Variants in TRAF3IP2 observed in about 807,000 individuals in gnomAD.
TRAF3IP2 encodes E3 ubiquitin ligase TRAF3IP2.
In TRAF3IP2, 35 loss-of-function variants were observed where a neutral mutation model predicts 57.9. The ratio of observed to expected loss-of-function variants is 0.60; its 90% CI spans 0.46 to 0.80. TRAF3IP2 has a LOEUF of 0.80. Ranked by LOEUF, TRAF3IP2 falls within the 30% of genes least tolerant of loss-of-function variation. The pLI, the probability that TRAF3IP2 is intolerant of heterozygous loss-of-function variation, is 0.00. For synonymous variants in TRAF3IP2, 251 were observed against 268.9 expected, an observed-to-expected ratio of 0.93 and a Z score of 0.65; for missense variants, 556 against 706.4, an observed-to-expected ratio of 0.79 and a Z score of 2.41.
At chr6:111,560,929 T>C (rs1416804291) in intron 8 of TRAF3IP2, among the ~76,000 whole-genome samples, 1 of 152,162 alleles carries the variant, frequency 6.6e-6, no homozygotes, top group Non-Finnish European at 1.5e-5. Flanking sequence ...ACGCCTGTAA[T>C]CCCAGCACTG....
intron 1 of TRAF3IP2, among the ~76,000 whole-genome samples, chr6:111,595,782 C>G (rs1380161774): frequency 2.7e-5 from 4 of 149,374 alleles, no homozygotes; most frequent in South Asian, 2.1e-4. Flanking sequence ...GAGCCGAGAT[C>G]GTGCCACTGC....
rs573810032 is a variant in TRAF3IP2, at chr6:111,591,517, C to T, written c.570G>A (p.Leu190=). 1.2e-5 allele frequency: 20 copies of T among 1,613,788 alleles called. No individual in the cohort carries two copies. The South Asian group carries it at 2.0e-4, about 16-fold the overall frequency. ...RPQPHRNRAG[L]DLPTIDTGYD... is the part of the protein sequence containing the mutation. ...ATCCCGTGTCTATGGTTGGCAGATCCAGGCCTGCTCGGTTCCTGTGAGGCT... is the reference window on the plus strand; with the variant it reads ...ATCCCGTGTCTATGGTTGGCAGATCTAGGCCTGCTCGGTTCCTGTGAGGCT... The change falls in exon 2 of 9, where the codon CTG becomes CTA. Residue 190 remains leucine, a synonymous_variant. Coordinates refer to ENST00000368761, the MANE Select transcript of TRAF3IP2 (RefSeq NM_147686.4). This position sits in a 1 kb window ranked among gnomAD's most constrained non-coding sequence, Gnocchi z 4.9.
At chr6:111,569,248 T>A (rs567899988) in intron 5 of TRAF3IP2, among the ~76,000 whole-genome samples, 1 of 152,328 alleles carries the variant, frequency 6.6e-6, no homozygotes, top group East Asian at 1.9e-4. Flanking sequence ...AGTGTCAGGG[T>A]TGAGAAGAAA....
chr6:111,573,063 C>A (rs751687597), intron 4 of TRAF3IP2, 80 bp from the exon 5 acceptor site: 130 of 1,121,726 alleles, frequency 1.2e-4, no homozygotes, highest in Non-Finnish European at 1.6e-4. Flanking sequence ...TATGCAATAT[C>A]TTTTGTCCTT....
chr6:111,589,473 T>C (rs1023625346), intron 2 of TRAF3IP2, among the ~76,000 whole-genome samples: 9 of 152,214 alleles, frequency 5.9e-5, no homozygotes, highest in African/African-American at 1.7e-4. Context: ...AAATACAGCC[T>C]TGACCTTGCC....
chr6:111,591,978 G>C lies in TRAF3IP2; in HGVS notation c.109C>G (p.Pro37Ala). ...TTGGGTGCCATGTTCCTTATATTTG[G>C]AGCAGGTGGTTCTGATTCCTCTTCC... ...SPEEESEPPAPNIRNMAPNSL... is the reference protein window; with the variant it reads ...SPEEESEPPAANIRNMAPNSL... The change falls in exon 2 of 9, where the codon CCA becomes GCA. Residue 37 changes from proline (P) to alanine (A), a missense_variant. Coordinates refer to ENST00000368761, the MANE Select transcript of TRAF3IP2 (RefSeq NM_147686.4). The surrounding 1 kb of genome is among the most constrained non-coding windows in gnomAD (Gnocchi z 4.9). The C allele has an allele frequency of 1.2e-6, 2 of 1,614,194 alleles. No homozygotes were observed. Among genetic ancestry groups the C allele is most frequent in the East Asian group, 2.2e-5 (1 of 44,872 alleles).
chr6:111,566,456 G>C lies in TRAF3IP2; in HGVS notation c.1464C>G (p.Tyr488Ter), dbSNP rs1203946316. The C allele has an allele frequency of 6.2e-7, 1 of 1,613,524 alleles. No homozygotes were observed. The highest frequency in any genetic ancestry group is 1.3e-5 in the African/African-American group (1 of 74,922). The change falls in exon 7 of 9, where the codon TAC (tyrosine) becomes TAG (stop). Residue 488 changes from tyrosine (Y) to a stop codon, truncating the protein, a stop_gained. Coordinates refer to ENST00000368761, the MANE Select transcript of TRAF3IP2 (RefSeq NM_147686.4). LOFTEE classifies it high-confidence loss of function. ...DEDEHGLHTK[Y>*]IHRMMQIEFI... ...CCTCCCCACTCACCATTCGATGAATGTACTTAGTATGTAAGCCATGCTCAT... is the reference window on the plus strand; with the variant it reads ...CCTCCCCACTCACCATTCGATGAATCTACTTAGTATGTAAGCCATGCTCAT...
chr6:111,564,549 T>C (rs2179070), intron 7 of TRAF3IP2, among the ~76,000 whole-genome samples: 8,432 of 152,298 alleles, frequency 0.055, 250 homozygotes, highest in Middle Eastern at 0.078. Flanking sequence ...TCAGTACCTC[T>C]GCACTACCTC....
At chr6:111,594,084 TTG>T (rs895178694) in intron 1 of TRAF3IP2, among the ~76,000 whole-genome samples, 1 of 142,600 alleles carries the variant, frequency 7.0e-6, no homozygotes, top group Admixed American at 7.7e-5. Flanking sequence ...TGAGCTGAGA[TTG>T]CGCCACTGCA....
At chr6:111,560,708 A>G (rs1018348569) in intron 8 of TRAF3IP2, among the ~76,000 whole-genome samples, 5 of 152,198 alleles carry the variant, frequency 3.3e-5, no homozygotes, top group Non-Finnish European at 4.4e-5. Context: ...CATTGTCTGA[A>G]GGAGATTTAA....
At chr6:111,595,663 A>T (rs900628505) in intron 1 of TRAF3IP2, among the ~76,000 whole-genome samples, 12 of 152,190 alleles carry the variant, frequency 7.9e-5, no homozygotes, top group Non-Finnish European at 1.8e-4. Context: ...CCCCGCCTCT[A>T]CTAAAAATAC....
intron 5 of TRAF3IP2, among the ~76,000 whole-genome samples, chr6:111,568,429 C>T (rs1404639825): frequency 9.5e-6 from 1 of 105,408 alleles, no homozygotes; most frequent in East Asian, 3.0e-4. Flanking sequence ...GCTTATACTG[C>T]AGAGTGTGTG....
intron 2 of TRAF3IP2, among the ~76,000 whole-genome samples, chr6:111,582,648 A>G (rs1247378858): frequency 6.6e-6 from 1 of 152,212 alleles, no homozygotes; most frequent in Non-Finnish European, 1.5e-5. Context: ...AGTTTAAAAA[A>G]TAGCAAAAAA....
intron 7 of TRAF3IP2, among the ~76,000 whole-genome samples, chr6:111,565,887 G>A (rs532070973): frequency 1.3e-5 from 2 of 152,142 alleles, no homozygotes; most frequent in South Asian, 2.1e-4. Flanking sequence ...TCATCTTCAC[G>A]ACAATCCTGT....
chr6:111,592,791 T>C (rs1209155804), intron 1 of TRAF3IP2, among the ~76,000 whole-genome samples: 1 of 152,212 alleles, frequency 6.6e-6, no homozygotes, highest in South Asian at 2.1e-4. Context: ...AGCCCAAGTT[T>C]AAAACACATT....
chr6:111,593,902 G>C (rs555165533), intron 1 of TRAF3IP2, among the ~76,000 whole-genome samples: 1 of 152,236 alleles, frequency 6.6e-6, no homozygotes, highest in East Asian at 1.9e-4. Flanking sequence ...AGGCTGAGGC[G>C]GGTGGATCAC....
chr6:111,586,898 A>G (rs1353972892), intron 2 of TRAF3IP2: 1 of 152,228 alleles, frequency 6.6e-6, no homozygotes, highest in East Asian at 1.9e-4. Context: ...TTAAATAATA[A>G]CAATAATAAC....
rs1795334455 is a variant in TRAF3IP2, at chr6:111,558,950, G to A, written c.*455C>T. ...AAGTAAAACATAATCTTACAAAAGA[G>A]TAAACATTTTATTATTTGTACATGA... On this transcript the variant is annotated 3_prime_UTR_variant, in exon 9 of 9. Transcript: ENST00000368761. The A allele has an allele frequency of 6.5e-6, 1 of 153,522 alleles. No individual in the cohort carries two copies. Among genetic ancestry groups the A allele is most frequent in the African/African-American group, 2.4e-5 (1 of 41,462 alleles). The allele number at this position is 153,522 out of a possible 1,614,324, so 9.5% of individuals were successfully genotyped here. A position where few individuals can be genotyped will look rare whatever the true frequency, so the allele number is the denominator to read the frequency against.
intron 2 of TRAF3IP2, 59 bp from the exon 3 acceptor site, chr6:111,580,448 A>G: frequency 6.8e-7 from 1 of 1,461,046 alleles, no homozygotes; most frequent in East Asian, 2.4e-5. Context: ...TTCGTGTGAA[A>G]GGAGTCATAA....
Sources: gnomAD v4.1 joint callset for allele counts (sites outside exome capture counted in the v4.1 genomes callset) on GRCh38, gnomAD v4.1.1 for gene constraint, Gnocchi (gnomAD v3.1) non-coding constraint, MANE v1.5 for transcripts, NCBI Gene and HGNC (gene_info 2026-07-23, HGNC 2026-07-21) for gene names.